The following CDK14 variants were observed in gnomAD, a reference collection of about 807,000 sequenced individuals.
CDK14 encodes the protein cyclin-dependent kinase 14.
Under a neutral mutation model 60.7 loss-of-function variants are expected in CDK14, and 34 were observed. That is an observed-to-expected ratio of 0.56 (90% confidence interval 0.43 to 0.75). The LOEUF is 0.75. CDK14 is among the 30% of genes least tolerant of loss of function. The pLI, the probability that CDK14 is intolerant of heterozygous loss-of-function variation, is 0.00. For synonymous variants in CDK14, 197 were observed against 203.7 expected, an observed-to-expected ratio of 0.97 and a Z score of 0.28; for missense variants, 482 against 564.1, an observed-to-expected ratio of 0.85 and a Z score of 1.47.
At chr7:90,806,909 G>A (rs559659008) in intron 5 of CDK14, among the ~76,000 whole-genome samples, 4 of 152,314 alleles carry the variant, frequency 2.6e-5, no homozygotes, top group African/African-American at 7.2e-5. Flanking sequence ...AGGTAGCAGC[G>A]AGGCTGGGGG....
At chr7:90,973,987 G>A (rs1371464201) in intron 9 of CDK14, among the ~76,000 whole-genome samples, 1 of 152,124 alleles carries the variant, frequency 6.6e-6, no homozygotes, top group African/African-American at 2.4e-5. Context: ...TACTGCAGGA[G>A]ACCAGGGCAT....
At chr7:90,729,766 TAC>T (rs1293108755) in intron 3 of CDK14, among the ~76,000 whole-genome samples, 1 of 152,170 alleles carries the variant, frequency 6.6e-6, no homozygotes, top group African/African-American at 2.4e-5. Flanking sequence ...TCTTTTCTCT[TAC>T]CTTATCAAAC....
At chr7:90,655,877 G>T (rs1800741576) in intron 2 of CDK14, among the ~76,000 whole-genome samples, 1 of 152,156 alleles carries the variant, frequency 6.6e-6, no homozygotes, top group Admixed American at 6.5e-5. Context: ...CTAGTGGTCT[G>T]TTTCAATCTT....
intron 3 of CDK14, among the ~76,000 whole-genome samples, chr7:90,746,296 G>A (rs1156851813): frequency 2.0e-5 from 3 of 151,994 alleles, no homozygotes; most frequent in South Asian, 2.1e-4. Context: ...TATTTTGGGC[G>A]GGAAGAAAGT....
chr7:90,955,814 T>A lies in CDK14; in HGVS notation c.944T>A (p.Met315Lys). Residue 315 changes from methionine (M) to lysine (K), a missense_variant, in exon 9 of 15, where the codon ATG (methionine) becomes AAG (lysine). Coordinates refer to ENST00000380050, the MANE Select transcript of CDK14 (RefSeq NM_001287135.2). ...GSTEYSTCLD[M>K]WGVGCIFVEM... ...ACAGAATATTCCACCTGCCTTGACA[T>A]GTGGTGAGAAATGGAAGCTTTACTC... is the stretch of plus-strand genomic sequence containing the variant. 6.2e-7 allele frequency: 1 copy of A among 1,612,826 alleles called. No individual in the cohort carries two copies. Among genetic ancestry groups the A allele is most frequent in the Non-Finnish European group, 8.5e-7 (1 of 1,179,092 alleles).
chr7:90,619,890 G>A (rs369978519), intron 2 of CDK14, among the ~76,000 whole-genome samples: 62 of 152,308 alleles, frequency 4.1e-4, no homozygotes, highest in African/African-American at 1.4e-3. Flanking sequence ...CAGCTACTTG[G>A]GAGGCTGAGG....
intron 12 of CDK14, among the ~76,000 whole-genome samples, chr7:91,087,729 C>A (rs575880494): frequency 1.3e-5 from 2 of 152,256 alleles, no homozygotes; most frequent in East Asian, 3.9e-4. Flanking sequence ...ATGGATACCA[C>A]TCCTACATAG....
intron 10 of CDK14, among the ~76,000 whole-genome samples, chr7:90,993,594 T>C (rs1047860289): frequency 2.6e-5 from 4 of 152,126 alleles, no homozygotes; most frequent in African/African-American, 9.7e-5. Context: ...TTTTATGATC[T>C]GCATGATTCC....
chr7:90,696,336 C>CTTCTT (rs772009194), intron 2 of CDK14, among the ~76,000 whole-genome samples: 1,477 of 125,656 alleles, frequency 0.012, 66 homozygotes, highest in African/African-American at 0.04. Context: ...ACTTCTTCTT[C>CTTCTT]TTTTTTTTTT....
At chr7:90,827,132 C>T (rs1464257852) in intron 5 of CDK14, among the ~76,000 whole-genome samples, 5 of 151,944 alleles carry the variant, frequency 3.3e-5, no homozygotes, top group Admixed American at 6.6e-5. Flanking sequence ...ATCCCAATCC[C>T]GTCAACCACT....
intron 11 of CDK14, among the ~76,000 whole-genome samples, chr7:91,057,546 G>A (rs889045601): frequency 4.6e-5 from 7 of 152,094 alleles, no homozygotes; most frequent in Non-Finnish European, 8.8e-5. Context: ...TAGGTCTAAT[G>A]GTTAAGTCTT....
intron 14 of CDK14, among the ~76,000 whole-genome samples, chr7:91,173,221 G>T (rs981722831): frequency 6.6e-6 from 1 of 152,116 alleles, no homozygotes; most frequent in Non-Finnish European, 1.5e-5. Context: ...TACTTATTCT[G>T]TTCTTCCAGG....
intron 4 of CDK14, among the ~76,000 whole-genome samples, chr7:90,784,550 T>C (rs895522200): frequency 6.6e-6 from 1 of 152,204 alleles, no homozygotes; most frequent in African/African-American, 2.4e-5. Context: ...CTATTATGTA[T>C]CCATAAGTTT....
Position 90,736,344 on chromosome 7 carries a change from G to GTTTTTTTTTTTTTTTTTTTTTTTTTT in CDK14, c.369+9537_369+9538insTTTTTTTTTTTTTTTTTTTTTTTTTT, listed in dbSNP as rs1245652024. Among the ~76,000 whole-genome samples the GTTTTTTTTTTTTTTTTTTTTTTTTTT allele has an allele frequency of 4.9e-5, 2 of 41,034 alleles. 1 individual carries two copies. The highest frequency in any genetic ancestry group is 9.2e-5 in the Non-Finnish European group (2 of 21,684). 26.9% of individuals were successfully genotyped at this position (41,034 alleles called of 152,430 possible). ...GTGATAAGAAGGGGTACTTTATTAT[G>GTTTTTTTTTTTTTTTTTTTTTTTTTT]TTTTTGTTTTTTTTTTTTTTTTTTT... On this transcript the variant is annotated intron_variant, in intron 3 of 14. Coordinates refer to ENST00000380050, the MANE Select transcript of CDK14 (RefSeq NM_001287135.2).
At chr7:90,664,266 A>G (rs1406143592) in intron 2 of CDK14, among the ~76,000 whole-genome samples, 1 of 152,230 alleles carries the variant, frequency 6.6e-6, no homozygotes, top group Non-Finnish European at 1.5e-5. Flanking sequence ...TTAGAAAGGC[A>G]ATCATTAAAA....
intron 2 of CDK14, among the ~76,000 whole-genome samples, chr7:90,662,020 C>T (rs1800873627): frequency 6.6e-6 from 1 of 152,152 alleles, no homozygotes; most frequent in Non-Finnish European, 1.5e-5. Flanking sequence ...AATTATATTT[C>T]AACAAAGGAG....
At chr7:91,164,401 A>G (rs1014348968) in intron 14 of CDK14, among the ~76,000 whole-genome samples, 13 of 152,222 alleles carry the variant, frequency 8.5e-5, no homozygotes, top group Admixed American at 2.0e-4. Context: ...GAGAGCTACT[A>G]TCGTCAGCCC....
At chr7:90,750,215 GAGAA>G (rs1803781590) in intron 4 of CDK14, among the ~76,000 whole-genome samples, 1 of 149,682 alleles carries the variant, frequency 6.7e-6, no homozygotes, top group African/African-American at 2.5e-5. Context: ...TAATATTACA[GAGAA>G]AGAAAAAGAA....
intron 9 of CDK14, among the ~76,000 whole-genome samples, chr7:90,982,377 G>A (rs940631713): frequency 1.1e-4 from 17 of 152,136 alleles, no homozygotes; most frequent in African/African-American, 4.1e-4. Flanking sequence ...TTTATGCCTG[G>A]CACTCAGGTA....
Sources: gnomAD v4.1 joint callset for allele counts (sites outside exome capture counted in the v4.1 genomes callset) on GRCh38, gnomAD v4.1.1 for gene constraint, MANE v1.5 for transcripts, NCBI Gene and HGNC (gene_info 2026-07-23, HGNC 2026-07-21) for gene names.